Variants in CPQ observed in about 807,000 individuals in gnomAD.
CPQ encodes the protein Ser-Met dipeptidase.
A neutral mutation model predicts 45.7 loss-of-function variants in CPQ; 37 were observed. That is an observed-to-expected ratio of 0.81 (90% CI 0.62 to 1.07). The LOEUF is 1.07. CPQ is among the 50% of genes least tolerant of loss of function. CPQ has a pLI of 0.00. For synonymous variants in CPQ, 186 were observed against 205.8 expected, an observed-to-expected ratio of 0.90 and a Z score of 0.82; for missense variants, 537 against 572.9, an observed-to-expected ratio of 0.94 and a Z score of 0.64.
In CPQ at chr8:96,805,427, C is replaced by T. The variant is rs547023254; in HGVS notation, c.433+20097C>T. Among the ~76,000 whole-genome samples the T allele has an allele frequency of 6.0e-4, 91 of 152,196 alleles. 1 individual carries two copies. The South Asian group carries it at 0.016, about 26-fold the overall frequency. On this transcript the variant is annotated intron_variant, in intron 2 of 7. Transcript: ENST00000220763. Reference sequence around the variant, plus strand: ...CAGTGTGACCTTTATCAACTTATTTCGCCTTTCAAAGGCTCTGTTTTATTT... The same window carrying T: ...CAGTGTGACCTTTATCAACTTATTTTGCCTTTCAAAGGCTCTGTTTTATTT...
chr8:96,738,384 T>C (rs1376145769), intron 1 of CPQ, among the ~76,000 whole-genome samples: 2 of 152,148 alleles, frequency 1.3e-5, no homozygotes, highest in Non-Finnish European at 2.9e-5. Context: ...AAATGTGTTA[T>C]TAAGTGCATA....
chr8:96,836,793 A>AT (rs200497470), intron 3 of CPQ, among the ~76,000 whole-genome samples: 7,506 of 142,174 alleles, frequency 0.053, 195 homozygotes, highest in Middle Eastern at 0.1. Context: ...ATTCACTGGC[A>AT]TTTTTTTTTT....
intron 5 of CPQ, among the ~76,000 whole-genome samples, chr8:97,024,966 T>C (rs528195092): frequency 1.3e-5 from 2 of 152,336 alleles, no homozygotes; most frequent in African/African-American, 2.4e-5. Flanking sequence ...TACTTATCTA[T>C]AGTTCTGGAG....
chr8:96,666,454 A>C (rs973004522), intron 1 of CPQ, among the ~76,000 whole-genome samples: 1 of 152,218 alleles, frequency 6.6e-6, no homozygotes, highest in Non-Finnish European at 1.5e-5. Context: ...GATTTGCCTT[A>C]CTTGAGTCAT....
chr8:96,751,768 T>C (rs1193541700), intron 1 of CPQ, among the ~76,000 whole-genome samples: 1 of 152,204 alleles, frequency 6.6e-6, no homozygotes, highest in Admixed American at 6.5e-5. Flanking sequence ...TTTATAGTTT[T>C]GGGTTTTACA....
intron 5 of CPQ, among the ~76,000 whole-genome samples, chr8:97,006,291 GT>G (rs200063760): frequency 1.3e-5 from 2 of 151,034 alleles, no homozygotes; most frequent in African/African-American, 4.9e-5. Flanking sequence ...AAGTTGAGTT[GT>G]TTTTTTTTAA....
chr8:96,762,729 T>G (rs1810420210), intron 1 of CPQ, among the ~76,000 whole-genome samples: 1 of 152,154 alleles, frequency 6.6e-6, no homozygotes, highest in African/African-American at 2.4e-5. Context: ...TTCAATTTAT[T>G]AATTTTTCCC....
At chr8:96,850,126 G>C (rs1040910750) in intron 3 of CPQ, among the ~76,000 whole-genome samples, 22 of 152,138 alleles carry the variant, frequency 1.4e-4, no homozygotes, top group Admixed American at 1.4e-3. Flanking sequence ...TATTCAATGT[G>C]CTCCCCAAAT....
chr8:97,098,228 A>G (rs915859893), intron 7 of CPQ, among the ~76,000 whole-genome samples: 2 of 152,144 alleles, frequency 1.3e-5, no homozygotes, highest in Admixed American at 6.6e-5. Flanking sequence ...GTTCAGTCCA[A>G]AAACATTAAT....
chr8:97,107,380 C>A (rs891279310), intron 7 of CPQ, among the ~76,000 whole-genome samples: 1 of 152,260 alleles, frequency 6.6e-6, no homozygotes, highest in Non-Finnish European at 1.5e-5. Context: ...CAAACCCCAG[C>A]ACCATCCCAT....
chr8:96,898,103 C>A (rs1812467427), intron 4 of CPQ, among the ~76,000 whole-genome samples: 1 of 152,150 alleles, frequency 6.6e-6, no homozygotes, highest in Non-Finnish European at 1.5e-5. Context: ...CCTCTCCCAA[C>A]ATTTGTGCTC....
intron 5 of CPQ, among the ~76,000 whole-genome samples, chr8:97,014,315 C>G (rs1399486905): frequency 6.6e-6 from 1 of 152,054 alleles, no homozygotes; most frequent in Non-Finnish European, 1.5e-5. Flanking sequence ...GAGAATAGAG[C>G]AGTGCTCAAG....
intron 3 of CPQ, among the ~76,000 whole-genome samples, chr8:96,844,619 A>T (rs999097936): frequency 3.3e-5 from 5 of 152,226 alleles, no homozygotes; most frequent in Admixed American, 1.3e-4. Flanking sequence ...AGACTGAAAC[A>T]TGGGAAGTGA....
intron 1 of CPQ, among the ~76,000 whole-genome samples, chr8:96,698,863 C>A (rs553137876): frequency 4.0e-4 from 61 of 152,158 alleles, no homozygotes; most frequent in African/African-American, 1.4e-3. Context: ...GAAAAGGGAA[C>A]CCTTGTACAC....
At chr8:96,910,381 T>A (rs1347783705) in intron 4 of CPQ, among the ~76,000 whole-genome samples, 1 of 152,252 alleles carries the variant, frequency 6.6e-6, no homozygotes, top group Non-Finnish European at 1.5e-5. Context: ...CAAGGATATG[T>A]ACTTTTGCAC....
intron 5 of CPQ, among the ~76,000 whole-genome samples, chr8:96,986,802 C>T (rs986326568): frequency 6.6e-6 from 1 of 152,170 alleles, no homozygotes; most frequent in East Asian, 1.9e-4. Flanking sequence ...GAATCACACA[C>T]GTCTAGCCCT....
intron 4 of CPQ, among the ~76,000 whole-genome samples, chr8:96,909,572 G>T (rs1168128526): frequency 6.6e-6 from 1 of 152,138 alleles, no homozygotes; most frequent in Non-Finnish European, 1.5e-5. Flanking sequence ...TGTCCATGGA[G>T]CTGGGGATGT....
intron 1 of CPQ, among the ~76,000 whole-genome samples, chr8:96,686,868 T>C (rs1375451466): frequency 6.6e-6 from 1 of 152,196 alleles, no homozygotes; most frequent in African/African-American, 2.4e-5. Context: ...TTAAAACAGA[T>C]AGTGATATGT....
intron 7 of CPQ, among the ~76,000 whole-genome samples, chr8:97,139,049 T>C (rs189174495): frequency 1.3e-5 from 2 of 152,050 alleles, no homozygotes; most frequent in Non-Finnish European, 2.9e-5. Context: ...AAGTATGAGA[T>C]AGAGAAAGGC....
Sources: allele counts gnomAD v4.1 joint callset (sites outside exome capture counted in the v4.1 genomes callset), GRCh38; gene constraint gnomAD v4.1.1; transcripts MANE v1.5; gene names NCBI Gene and HGNC (gene_info 2026-07-23, HGNC 2026-07-21).